The following OLFM3 variants were observed in gnomAD, a reference collection of about 807,000 sequenced individuals.
OLFM3 encodes the protein noelin-3.
In OLFM3, 20 loss-of-function variants were observed where a neutral mutation model predicts 48.6. That is an observed-to-expected ratio of 0.41 (90% CI 0.29 to 0.60). The LOEUF (loss-of-function observed/expected upper bound fraction) is 0.60. Among genes scored for constraint, OLFM3 ranks in the 20% least tolerant of loss-of-function variants. OLFM3 has a pLI of 0.28. For synonymous variants in OLFM3, 222 were observed against 198.1 expected, an observed-to-expected ratio of 1.12 and a Z score of -1.01; for missense variants, 437 against 544.3, an observed-to-expected ratio of 0.80 and a Z score of 1.96.
chr1:101,970,217 A>G (rs1357799105), intron 1 of OLFM3, among the ~76,000 whole-genome samples: 2 of 152,120 alleles, frequency 1.3e-5, no homozygotes, highest in Admixed American at 6.5e-5. Context: ...GGGTTTCACC[A>G]TGTTGGCCAG....
chr1:101,989,509 T>C (rs1299109593), intron 1 of OLFM3, among the ~76,000 whole-genome samples: 1 of 152,188 alleles, frequency 6.6e-6, no homozygotes, highest in Non-Finnish European at 1.5e-5. Context: ...GTATGGTGTG[T>C]AAGTATTTTT....
intron 1 of OLFM3, among the ~76,000 whole-genome samples, chr1:101,925,728 T>A (rs532529384): frequency 6.6e-6 from 1 of 151,580 alleles, no homozygotes; most frequent in Middle Eastern, 3.2e-3. Flanking sequence ...GGGGTTTCTG[T>A]ATGAGTGCCC....
intron 1 of OLFM3, chr1:101,909,919 C>T (rs1658691413): frequency 3.1e-6 from 3 of 971,896 alleles, no homozygotes; most frequent in Admixed American, 1.2e-4. Context: ...TCAAGGCAGA[C>T]TTGGTGTCCA....
intron 4 of OLFM3, among the ~76,000 whole-genome samples, chr1:101,819,693 AT>A (rs1372377601): frequency 6.6e-6 from 1 of 151,946 alleles, no homozygotes; most frequent in Admixed American, 6.6e-5. Flanking sequence ...AATTAAAGTT[AT>A]TGAGGTATCT....
At chr1:101,835,201 G>T (rs1018229266) in intron 2 of OLFM3, among the ~76,000 whole-genome samples, 1 of 152,048 alleles carries the variant, frequency 6.6e-6, no homozygotes, top group African/African-American at 2.4e-5. Flanking sequence ...CAATTTAACA[G>T]GAAAGCAAAA....
intron 4 of OLFM3, among the ~76,000 whole-genome samples, chr1:101,824,079 GT>G (rs1654730768): frequency 6.6e-6 from 1 of 151,902 alleles, no homozygotes; most frequent in Non-Finnish European, 1.5e-5. Context: ...ATTCACTGAA[GT>G]TTTCTTTACT....
At chr1:101,911,142 A>C (rs1658747650) in intron 1 of OLFM3, among the ~76,000 whole-genome samples, 2 of 152,204 alleles carry the variant, frequency 1.3e-5, no homozygotes, top group South Asian at 4.1e-4. Context: ...TAAGGAGCTC[A>C]GTGGTACCCT....
intron 1 of OLFM3, among the ~76,000 whole-genome samples, chr1:101,920,100 A>G (rs1180325988): frequency 2.0e-5 from 3 of 152,192 alleles, no homozygotes; most frequent in South Asian, 4.1e-4. Context: ...ACCACCATTT[A>G]TCTCTCACTT....
At chr1:101,822,305 T>C (rs1351856873) in intron 4 of OLFM3, among the ~76,000 whole-genome samples, 1 of 152,188 alleles carries the variant, frequency 6.6e-6, no homozygotes, top group Non-Finnish European at 1.5e-5. Flanking sequence ...TTGTTTTTTG[T>C]GTTGTTCATT....
intron 1 of OLFM3, among the ~76,000 whole-genome samples, chr1:101,928,224 C>T (rs546270176): frequency 2.0e-5 from 3 of 152,066 alleles, no homozygotes; most frequent in Non-Finnish European, 1.5e-5. Context: ...TTGACCACTG[C>T]CGTGGGAATA....
At chr1:101,925,234 G>A (rs1211264189) in intron 1 of OLFM3, among the ~76,000 whole-genome samples, 1 of 151,902 alleles carries the variant, frequency 6.6e-6, no homozygotes, top group African/African-American at 2.4e-5. Context: ...AGTCAGACTG[G>A]GAAGGGCCTA....
Position 101,803,673 on chromosome 1 carries a change from T to C in OLFM3, c.*565A>G, listed in dbSNP as rs1276923609. The C allele has an allele frequency of 1.3e-5, 2 of 152,232 alleles. No individual in the cohort carries two copies. Among genetic ancestry groups the C allele is most frequent in the Non-Finnish European group, 2.9e-5 (2 of 67,846 alleles). 9.4% of individuals were successfully genotyped at this position (152,232 alleles called of 1,614,324 possible). On this transcript the variant is annotated 3_prime_UTR_variant, in exon 6 of 6. Coordinates refer to ENST00000370103, the MANE Select transcript of OLFM3 (RefSeq NM_058170.4). ...TGGTTACAATGGTAGAAATACATAC[T>C]GCCAATAAAATGTTAGCAAGAGATT...
At chr1:101,817,502 T>A (rs1036008235) in intron 4 of OLFM3, among the ~76,000 whole-genome samples, 1 of 152,176 alleles carries the variant, frequency 6.6e-6, no homozygotes. Context: ...TTACAATCCA[T>A]ATTTATCAAT....
In OLFM3 at chr1:101,995,505, A is replaced by C. The variant is rs139211235; in HGVS notation, c.69+1243T>G. ...ATAATACCAGTACAATCAAAGCTTTAAAATAAAATGAATTTATTCTCATCA... is the reference window on the plus strand; with the variant it reads ...ATAATACCAGTACAATCAAAGCTTTCAAATAAAATGAATTTATTCTCATCA... On this transcript the variant is annotated intron_variant, in intron 1 of 5. Transcript: ENST00000370103. Among the ~76,000 whole-genome samples, 510 of 152,156 alleles carry C rather than the reference A, an allele frequency of 3.4e-3. 5 individuals are homozygous for C. The highest frequency in any genetic ancestry group is 0.012 in the African/African-American group (497 of 41,466).
intron 1 of OLFM3, among the ~76,000 whole-genome samples, chr1:101,892,240 C>T (rs111499083): frequency 1.4e-4 from 19 of 138,812 alleles, no homozygotes; most frequent in Non-Finnish European, 8.0e-5. Context: ...AGTCTCAGTT[C>T]GGTATCAGAA....
intron 1 of OLFM3, among the ~76,000 whole-genome samples, chr1:101,883,653 AG>A (rs1657625872): frequency 6.6e-6 from 1 of 151,998 alleles, no homozygotes; most frequent in Admixed American, 6.6e-5. Context: ...TATCAATTTT[AG>A]TATAATTACC....
intron 1 of OLFM3, among the ~76,000 whole-genome samples, chr1:101,894,498 A>G (rs972022256): frequency 6.6e-6 from 1 of 152,132 alleles, no homozygotes; most frequent in Admixed American, 6.6e-5. Context: ...GATAATTTAA[A>G]CCCTAAGAAT....
In OLFM3 at chr1:101,933,249, G is replaced by C. The variant is rs373168628; in HGVS notation, c.69+63499C>G. On this transcript the variant is annotated intron_variant, in intron 1 of 5. Transcript: ENST00000370103. ...AAAAAAGAGAAAAAAGATGAAATGG[G>C]AATTTTGAGAAAGAAACAAACTAGT... Among the ~76,000 whole-genome samples, 196 of 144,382 alleles carry C rather than the reference G, an allele frequency of 1.4e-3. 1 individual carries two copies. The highest frequency in any genetic ancestry group is 4.7e-3 in the African/African-American group (186 of 39,326). 94.7% of individuals were successfully genotyped at this position (144,382 alleles called of 152,430 possible).
intron 1 of OLFM3, among the ~76,000 whole-genome samples, chr1:101,875,663 A>G (rs925774296): frequency 2.7e-5 from 3 of 110,490 alleles, no homozygotes; most frequent in African/African-American, 9.8e-5. Context: ...GAACTTTATA[A>G]AAGTGTCATT....
Sources: allele counts gnomAD v4.1 joint callset (sites outside exome capture counted in the v4.1 genomes callset), GRCh38; gene constraint gnomAD v4.1.1; transcripts MANE v1.5; gene names NCBI Gene and HGNC (gene_info 2026-07-23, HGNC 2026-07-21).